Variants in TBC1D5 observed in about 807,000 individuals in gnomAD.
TBC1D5 encodes the protein TBC1 domain family member 5, also known as TBC1 domain family, member 5.
In TBC1D5, 75 loss-of-function variants were observed where a neutral mutation model predicts 100.3. The ratio of observed to expected loss-of-function variants is 0.75; its 90% CI spans 0.62 to 0.91. The LOEUF (loss-of-function observed/expected upper bound fraction) is 0.91, where lower values mean the gene tolerates loss of function less well. Ranked by LOEUF, TBC1D5 falls within the 40% of genes least tolerant of loss-of-function variation. The pLI is 0.00. For synonymous variants in TBC1D5, 323 were observed against 325.6 expected, an observed-to-expected ratio of 0.99 and a Z score of 0.09; for missense variants, 910 against 942.4, an observed-to-expected ratio of 0.97 and a Z score of 0.45.
intron 9 of TBC1D5, among the ~76,000 whole-genome samples, chr3:17,379,486 A>C (rs1037705731): frequency 6.6e-6 from 1 of 152,036 alleles, no homozygotes; most frequent in Admixed American, 6.6e-5. Flanking sequence ...TTCTCCATTA[A>C]TCATTCACGT....
At chr3:17,312,929 C>T (rs2084219012) in intron 13 of TBC1D5, among the ~76,000 whole-genome samples, 1 of 152,128 alleles carries the variant, frequency 6.6e-6, no homozygotes, top group African/African-American at 2.4e-5. Flanking sequence ...TGAACATTTT[C>T]TCTCTCCTTC....
At chr3:17,272,908 T>C (rs757775248) in intron 15 of TBC1D5, among the ~76,000 whole-genome samples, 1 of 152,200 alleles carries the variant, frequency 6.6e-6, no homozygotes, top group African/African-American at 2.4e-5. Context: ...TGTTTGAAAA[T>C]AGTCATTCCT....
intron 2 of TBC1D5, among the ~76,000 whole-genome samples, chr3:17,616,666 C>A (rs1015359682): frequency 6.6e-6 from 1 of 152,062 alleles, no homozygotes; most frequent in Non-Finnish European, 1.5e-5. Context: ...CTCTTTGGAT[C>A]TTTATTGGCT....
At chr3:17,461,867 A>G (rs994538004) in intron 3 of TBC1D5, among the ~76,000 whole-genome samples, 1 of 152,040 alleles carries the variant, frequency 6.6e-6, no homozygotes. Context: ...TATGCTTTAA[A>G]TTTCTGCTTT....
intron 18 of TBC1D5, among the ~76,000 whole-genome samples, chr3:17,198,372 T>C (rs138979145): frequency 6.6e-6 from 1 of 152,264 alleles, no homozygotes; most frequent in Non-Finnish European, 1.5e-5. Context: ...TCTTGGTGAG[T>C]AGCTGTTGAA....
chr3:17,384,153 A>C (rs939890905), intron 8 of TBC1D5, 138 bp from the exon 9 acceptor site: 1 of 619,764 alleles, frequency 1.6e-6, no homozygotes. Context: ...TTATGCCTTT[A>C]GTGGGGACTG....
chr3:17,368,721 A>G (rs1453142810), intron 13 of TBC1D5, among the ~76,000 whole-genome samples: 8 of 151,612 alleles, frequency 5.3e-5, no homozygotes, highest in East Asian at 1.9e-4. Context: ...ACTATAATTT[A>G]TAATTTTCTT....
intron 2 of TBC1D5, among the ~76,000 whole-genome samples, chr3:17,597,669 C>T (rs1369910860): frequency 6.6e-6 from 1 of 152,074 alleles, no homozygotes; most frequent in African/African-American, 2.4e-5. Flanking sequence ...CCAAGGTGTT[C>T]TAATAATTAA....
At chr3:17,374,772 T>C in intron 10 of TBC1D5, 93 bp from the exon 11 acceptor site, 1 of 1,288,914 alleles carries the variant, frequency 7.8e-7, no homozygotes, top group East Asian at 2.4e-5. Flanking sequence ...AACTTTCATA[T>C]AATATGCAAA....
chr3:17,497,259 A>C (rs569338406), intron 3 of TBC1D5, among the ~76,000 whole-genome samples: 1 of 152,138 alleles, frequency 6.6e-6, no homozygotes, highest in Admixed American at 6.5e-5. Flanking sequence ...ACTCACTATA[A>C]TATCACCCTA....
chr3:17,358,998 ATAT>A (rs1358597273), intron 13 of TBC1D5, among the ~76,000 whole-genome samples: 1 of 152,058 alleles, frequency 6.6e-6, no homozygotes, highest in Non-Finnish European at 1.5e-5. Context: ...CTAACTTACT[ATAT>A]TATTATAACA....
At chr3:17,685,462 G>A (rs751949122) in intron 1 of TBC1D5, among the ~76,000 whole-genome samples, 1 of 151,886 alleles carries the variant, frequency 6.6e-6, no homozygotes, top group Non-Finnish European at 1.5e-5. Flanking sequence ...AAATAATTCT[G>A]CAAAATAACC....
intron 14 of TBC1D5, among the ~76,000 whole-genome samples, chr3:17,306,465 T>C (rs552194425): frequency 1.1e-4 from 16 of 152,286 alleles, no homozygotes; most frequent in African/African-American, 3.9e-4. Context: ...AATAAATAAA[T>C]CACTTCATTA....
At chr3:17,412,663 G>A (rs1357432295) in intron 4 of TBC1D5, among the ~76,000 whole-genome samples, 3 of 151,986 alleles carry the variant, frequency 2.0e-5, no homozygotes, top group South Asian at 2.1e-4. Flanking sequence ...TAATGCCATC[G>A]AAATGCTTTT....
At chr3:17,383,934 G>A (rs544749999) in exon 9 of TBC1D5, 32 of 1,598,212 alleles carry the variant, frequency 2.0e-5, no homozygotes, top group South Asian at 1.6e-4. Flanking sequence ...GCAACTGCTC[G>A]TTTTCTCTGG....
At chr3:17,401,749 A>G (rs1243013922) in intron 8 of TBC1D5, among the ~76,000 whole-genome samples, 3 of 152,174 alleles carry the variant, frequency 2.0e-5, no homozygotes, top group Non-Finnish European at 4.4e-5. Flanking sequence ...GTTTTTAAAT[A>G]TAACTACCTA....
chr3:17,693,340 G>C (rs762167843), intron 1 of TBC1D5, among the ~76,000 whole-genome samples: 1 of 152,208 alleles, frequency 6.6e-6, no homozygotes, highest in South Asian at 2.1e-4. Flanking sequence ...AAGGGAAGCC[G>C]TGACAGACTG....
At chr3:17,469,382 C>T (rs142276454) in intron 3 of TBC1D5, among the ~76,000 whole-genome samples, 2 of 152,178 alleles carry the variant, frequency 1.3e-5, no homozygotes, top group East Asian at 3.9e-4. Flanking sequence ...ACAGAGATTT[C>T]CCAAAGATTC....
At chr3:17,520,781 TATTC>T (rs1461000117) in intron 2 of TBC1D5, among the ~76,000 whole-genome samples, 2 of 152,140 alleles carry the variant, frequency 1.3e-5, no homozygotes, top group African/African-American at 4.8e-5. Context: ...TACTAAAAAG[TATTC>T]ATTATTTATT....
Sources: allele counts gnomAD v4.1 joint callset (sites outside exome capture counted in the v4.1 genomes callset), GRCh38; gene constraint gnomAD v4.1.1; transcripts MANE v1.5; gene names NCBI Gene and HGNC (gene_info 2026-07-23, HGNC 2026-07-21).